Variants in INPP5A observed in about 807,000 individuals in gnomAD.
The protein encoded by INPP5A is inositol polyphosphate-5-phosphatase A, also known as 43 kDa inositol polyphosphate 5-phophatase.
Under a neutral mutation model 65.2 loss-of-function variants are expected in INPP5A, and 14 were observed. The ratio of observed to expected loss-of-function variants is 0.21; its 90% CI spans 0.14 to 0.34. INPP5A has a LOEUF of 0.34. INPP5A is among the 10% of genes least tolerant of loss of function. INPP5A has a pLI of 1.00. For missense variants in INPP5A, 431 were observed against 545.6 expected (o/e 0.79, Z 2.09); for synonymous variants, 207 against 208.3 (o/e 0.99, Z 0.05).
chr10:132,639,859 G>GT, intron 2 of INPP5A, among the ~76,000 whole-genome samples: 1 of 152,140 alleles, frequency 6.6e-6, no homozygotes, highest in Non-Finnish European at 1.5e-5. Context: ...TTACCATTGA[G>GT]TTCTTCTGGT....
At chr10:132,607,713 G>GCACAGAGCGGAGCCCCCA (rs2071876581) in intron 1 of INPP5A, among the ~76,000 whole-genome samples, 1 of 152,236 alleles carries the variant, frequency 6.6e-6, no homozygotes, top group South Asian at 2.1e-4. Flanking sequence ...CCCTGGGACA[G>GCACAGAGCGGAGCCCCCA]CACAGAGCGG....
At chr10:132,581,459 G>A (rs545151677) in intron 1 of INPP5A, among the ~76,000 whole-genome samples, 1 of 152,190 alleles carries the variant, frequency 6.6e-6, no homozygotes, top group African/African-American at 2.4e-5. Context: ...AGTTTTATCA[G>A]AGGCTCTGGA....
chr10:132,766,841 T>C (rs1282713146), intron 12 of INPP5A, among the ~76,000 whole-genome samples: 2 of 142,980 alleles, frequency 1.4e-5, no homozygotes, highest in African/African-American at 5.1e-5. Flanking sequence ...GGAGCAAGAT[T>C]GGGAGCTGGA....
chr10:132,713,480 G>C (rs7082293), intron 8 of INPP5A, among the ~76,000 whole-genome samples: 3,759 of 152,220 alleles, frequency 0.025, 146 homozygotes, highest in African/African-American at 0.085. Context: ...CAAGGAGTCT[G>C]GGCTGGGCTC....
At chr10:132,560,872 A>T (rs2071195208) in intron 1 of INPP5A, among the ~76,000 whole-genome samples, 1 of 150,964 alleles carries the variant, frequency 6.6e-6, no homozygotes. Flanking sequence ...GCCTCCCAAA[A>T]TGCTGGGATT....
intron 1 of INPP5A, among the ~76,000 whole-genome samples, chr10:132,542,584 G>C (rs1186991207): frequency 6.6e-6 from 1 of 152,196 alleles, no homozygotes. Context: ...CCCTCGAGTG[G>C]GGTGGGGGGG....
intron 2 of INPP5A, among the ~76,000 whole-genome samples, chr10:132,609,484 G>A (rs886875557): frequency 2.0e-4 from 30 of 152,176 alleles, no homozygotes; most frequent in African/African-American, 7.2e-4. Context: ...CTCCTGGTGT[G>A]TCTCCCCTCC....
chr10:132,557,554 C>A (rs1311066101), intron 1 of INPP5A, among the ~76,000 whole-genome samples: 1 of 152,244 alleles, frequency 6.6e-6, no homozygotes, highest in African/African-American at 2.4e-5. Context: ...TCAATTTTTT[C>A]TTCTTGCCTC....
At chr10:132,681,997 G>C (rs1041238204) in intron 4 of INPP5A, among the ~76,000 whole-genome samples, 4 of 152,230 alleles carry the variant, frequency 2.6e-5, no homozygotes, top group African/African-American at 4.8e-5. Flanking sequence ...CAAAGTCATG[G>C]AGACAGAAAG....
At chr10:132,710,287 C>T (rs1845611460) in intron 7 of INPP5A, 50 bp from the exon 8 acceptor site, 1 of 1,595,238 alleles carries the variant, frequency 6.3e-7, no homozygotes, top group Non-Finnish European at 8.5e-7. Flanking sequence ...CGAAGTGTGA[C>T]CCGGAGGCTC....
intron 1 of INPP5A, among the ~76,000 whole-genome samples, chr10:132,543,487 G>A (rs2070932766): frequency 6.6e-6 from 1 of 152,230 alleles, no homozygotes; most frequent in South Asian, 2.1e-4. Context: ...TGTGATCGCA[G>A]CTCACTGTAG....
chr10:132,635,386 ATTTT>A (rs775271931), intron 2 of INPP5A, among the ~76,000 whole-genome samples: 39 of 54,514 alleles, frequency 7.2e-4, no homozygotes, highest in Non-Finnish European at 8.8e-4. Context: ...CTTTTTAAAG[ATTTT>A]TTTTTTTTTT....
At chr10:132,716,552 G>T (rs1392999108) in intron 8 of INPP5A, among the ~76,000 whole-genome samples, 1 of 152,206 alleles carries the variant, frequency 6.6e-6, no homozygotes, top group African/African-American at 2.4e-5. Context: ...CGGCCCTTTG[G>T]TGGCAGACAG....
chr10:132,611,589 G>A (rs1479298669), intron 2 of INPP5A, among the ~76,000 whole-genome samples: 2 of 136,054 alleles, frequency 1.5e-5, no homozygotes, highest in Admixed American at 7.2e-5. Context: ...TGTCAGGGGA[G>A]GGTGAGGGAG....
intron 9 of INPP5A, among the ~76,000 whole-genome samples, chr10:132,730,846 G>T (rs1404298098): frequency 6.6e-6 from 1 of 152,218 alleles, no homozygotes; most frequent in Non-Finnish European, 1.5e-5. Context: ...AACAAGCACC[G>T]AGGGCAGCCC....
intron 11 of INPP5A, among the ~76,000 whole-genome samples, chr10:132,757,080 T>C (rs1340944713): frequency 6.6e-6 from 1 of 152,144 alleles, no homozygotes; most frequent in Non-Finnish European, 1.5e-5. Context: ...AGTTGAAAAA[T>C]GTTAAAGTTT....
chr10:132,567,731 A>G (rs1392039870), intron 1 of INPP5A, among the ~76,000 whole-genome samples: 1 of 152,228 alleles, frequency 6.6e-6, no homozygotes, highest in Non-Finnish European at 1.5e-5. Flanking sequence ...CAACGATTCC[A>G]GCTTTTTATT....
chr10:132,683,211 G>A (rs990525374), intron 4 of INPP5A, among the ~76,000 whole-genome samples: 1 of 149,588 alleles, frequency 6.7e-6, no homozygotes, highest in Non-Finnish European at 1.5e-5. Context: ...ATCCTATGTG[G>A]AGGGCACGTG....
Position 132,549,146 on chromosome 10 carries a change from G to A in INPP5A, c.75+10975G>A, listed in dbSNP as rs995419167. Among the ~76,000 whole-genome samples the A allele has an allele frequency of 6.6e-6, 1 of 152,128 alleles. No homozygotes were observed. The highest frequency in any genetic ancestry group is 2.4e-5 in the African/African-American group (1 of 41,408). On this transcript the variant is annotated intron_variant, in intron 1 of 15. Coordinates refer to ENST00000368594, the MANE Select transcript of INPP5A (RefSeq NM_005539.5). This position sits in a 1 kb window ranked among gnomAD's most constrained non-coding sequence, Gnocchi z 4.9. ...TGTCCCCTGAGTGGAGGCATACCTCGTTTCTCCAGTCGCCCACAGATGGAC... is the reference window on the plus strand; with the variant it reads ...TGTCCCCTGAGTGGAGGCATACCTCATTTCTCCAGTCGCCCACAGATGGAC...
Sources: allele counts gnomAD v4.1 joint callset (sites outside exome capture counted in the v4.1 genomes callset), GRCh38; gene constraint gnomAD v4.1.1; non-coding constraint Gnocchi (gnomAD v3.1); transcripts MANE v1.5; gene names NCBI Gene and HGNC (gene_info 2026-07-23, HGNC 2026-07-21).